HSD17B12: variants seen among roughly 807,000 people sequenced by gnomAD.
The protein encoded by HSD17B12 is very-long-chain 3-oxoacyl-CoA reductase.
In HSD17B12, 32 loss-of-function variants were observed where a neutral mutation model predicts 39.3. That is an observed-to-expected ratio of 0.81 (90% CI 0.61 to 1.09). The LOEUF is 1.09. Ranked by LOEUF, HSD17B12 falls within the 50% of genes least tolerant of loss-of-function variation. HSD17B12 has a pLI of 0.00. For missense variants in HSD17B12, 342 were observed against 382.9 expected (o/e 0.89, Z 0.89); for synonymous variants, 150 against 146.7 (o/e 1.02, Z -0.16).
At chr11:43,658,666 C>A in the HSD17B12 span, among the ~76,000 whole-genome samples, 1 of 152,176 alleles carries the variant, frequency 6.6e-6, no homozygotes, top group Non-Finnish European at 1.5e-5. Flanking sequence ...CACCCCAGAC[C>A]CTGTTTTCCT....
the HSD17B12 span, among the ~76,000 whole-genome samples, chr11:43,651,142 A>G: frequency 1.3e-5 from 2 of 152,380 alleles, no homozygotes; most frequent in East Asian, 3.9e-4. Flanking sequence ...ATGTTCAAAA[A>G]GGTATGTAAA....
the HSD17B12 span, among the ~76,000 whole-genome samples, chr11:43,599,108 A>G: frequency 3.7e-3 from 571 of 152,354 alleles, 5 homozygotes; most frequent in African/African-American, 0.013. Context: ...CTGCTCAACG[A>G]TCTATCCATC....
At chr11:43,641,915 T>C in the HSD17B12 span, among the ~76,000 whole-genome samples, 1 of 151,884 alleles carries the variant, frequency 6.6e-6, no homozygotes. Flanking sequence ...AACAAGTAGT[T>C]TCAGAAATTA....
chr11:43,615,265 T>A, the HSD17B12 span, among the ~76,000 whole-genome samples: 4 of 152,196 alleles, frequency 2.6e-5, no homozygotes, highest in African/African-American at 9.6e-5. Flanking sequence ...GTATGTTCAG[T>A]GAGCTCTCTC....
At chr11:43,735,646 C>T (rs1408453674) in intron 1 of HSD17B12, among the ~76,000 whole-genome samples, 1 of 151,926 alleles carries the variant, frequency 6.6e-6, no homozygotes, top group Non-Finnish European at 1.5e-5. Context: ...AGATAATAAA[C>T]CTTTATTATA....
chr11:43,785,235 C>G (rs1191232415), intron 3 of HSD17B12, among the ~76,000 whole-genome samples: 1 of 152,074 alleles, frequency 6.6e-6, no homozygotes, highest in Non-Finnish European at 1.5e-5. Flanking sequence ...GTGGGGACAT[C>G]TTTCTATAGG....
At chr11:43,669,281 A>C in the HSD17B12 span, among the ~76,000 whole-genome samples, 1 of 152,046 alleles carries the variant, frequency 6.6e-6, no homozygotes, top group Non-Finnish European at 1.5e-5. Flanking sequence ...TGGGTGAATC[A>C]CTTGAGGTCA....
upstream of HSD17B12, chr11:43,680,462 C>G (rs1326513816): frequency 3.3e-6 from 1 of 305,678 alleles, no homozygotes. Context: ...CAGCCTGGGT[C>G]TGACCGGCCA....
chr11:43,757,017 A>T lies in HSD17B12; in HGVS notation c.283+2896A>T, dbSNP rs193144559. ...TAATATGAATTTAATAGGAGAGGTGATATCAGCAGACTATGTCTTCTGTTC... is the reference window on the plus strand; with the variant it reads ...TAATATGAATTTAATAGGAGAGGTGTTATCAGCAGACTATGTCTTCTGTTC... On this transcript the variant is annotated intron_variant, in intron 3 of 10. Coordinates refer to ENST00000278353, the MANE Select transcript of HSD17B12 (RefSeq NM_016142.3). Among the ~76,000 whole-genome samples the T allele has an allele frequency of 7.0e-4, 107 of 152,376 alleles. 2 individuals carry two copies. Among genetic ancestry groups the T allele is most frequent in the Admixed American group, 6.4e-3 (98 of 15,308 alleles).
the HSD17B12 span, among the ~76,000 whole-genome samples, chr11:43,600,795 T>C: frequency 2.6e-5 from 4 of 151,944 alleles, no homozygotes; most frequent in Non-Finnish European, 5.9e-5. Context: ...ATATAATATA[T>C]GTAAATTGCA....
At position 43,816,039 on chromosome 11, in the gene HSD17B12, A is replaced by G. The variant is rs137890353; in HGVS notation, c.457-308A>G. ...CTAGGTTCAGTAATTTCTATGCTCC[A>G]TACTAGCAGAAAGGAAATTGCAAAG... On this transcript the variant is annotated intron_variant, in intron 5 of 10. Transcript: ENST00000278353. 3.9e-3 allele frequency among the ~76,000 whole-genome samples: 593 copies of G among 152,316 alleles called. 4 individuals are homozygous for G. Among genetic ancestry groups the G allele is most frequent in the African/African-American group, 0.014 (574 of 41,578 alleles).
intron 7 of HSD17B12, chr11:43,833,032 CAAAAAAAA>C (rs59191050): frequency 4.3e-4 from 53 of 123,572 alleles, no homozygotes; most frequent in Middle Eastern, 4.3e-3. Context: ...GACCCTGTCT[CAAAAAAAA>C]AAAAAAAAAA....
At chr11:43,715,842 T>C (rs1365641053) in intron 1 of HSD17B12, among the ~76,000 whole-genome samples, 4 of 152,200 alleles carry the variant, frequency 2.6e-5, no homozygotes, top group Admixed American at 1.3e-4. Flanking sequence ...ATTAAATTAA[T>C]AGCAATGTGT....
At chr11:43,721,893 T>C (rs1277104217) in intron 1 of HSD17B12, among the ~76,000 whole-genome samples, 1 of 152,110 alleles carries the variant, frequency 6.6e-6, no homozygotes, top group Non-Finnish European at 1.5e-5. Context: ...AGCTGCTGTG[T>C]GGTAAATAGA....
intron 3 of HSD17B12, among the ~76,000 whole-genome samples, chr11:43,777,827 C>G (rs1428519971): frequency 2.0e-5 from 3 of 152,132 alleles, no homozygotes; most frequent in Non-Finnish European, 1.5e-5. Context: ...GGGACACATT[C>G]AAAGCACTGT....
chr11:43,854,666 GC>G, intron 9 of HSD17B12, 48 bp from the exon 10 acceptor site: 1 of 1,598,992 alleles, frequency 6.3e-7, no homozygotes, highest in Non-Finnish European at 8.6e-7. Flanking sequence ...TGAGTTTGTG[GC>G]CTTACTAATC....
At chr11:43,589,283 TCTC>T in the HSD17B12 span, among the ~76,000 whole-genome samples, 2 of 152,198 alleles carry the variant, frequency 1.3e-5, no homozygotes, top group African/African-American at 4.8e-5. Context: ...AAATCTTTGT[TCTC>T]CTCCTTTTGA....
At chr11:43,802,212 T>G (rs1950978374) in intron 4 of HSD17B12, among the ~76,000 whole-genome samples, 1 of 152,022 alleles carries the variant, frequency 6.6e-6, no homozygotes, top group African/African-American at 2.4e-5. Flanking sequence ...GGTCTCGATC[T>G]CCTGACCTCA....
chr11:43,578,568 GC>G, the HSD17B12 span, among the ~76,000 whole-genome samples: 1 of 152,170 alleles, frequency 6.6e-6, no homozygotes, highest in Non-Finnish European at 1.5e-5. Context: ...CAGCCTCTCG[GC>G]CCACCCCGCG....
Sources: gnomAD v4.1 joint callset for allele counts (sites outside exome capture counted in the v4.1 genomes callset) on GRCh38, gnomAD v4.1.1 for gene constraint, MANE v1.5 for transcripts, NCBI Gene and HGNC (gene_info 2026-07-23, HGNC 2026-07-21) for gene names.